EMCN: variants seen among roughly 807,000 people sequenced by gnomAD.
EMCN encodes endomucin, also known as MUC-14.
A neutral mutation model predicts 38.4 loss-of-function variants in EMCN; 37 were observed. The observed-to-expected ratio is 0.96, with a 90% CI of 0.74 to 1.27. EMCN has a LOEUF of 1.27. EMCN is among the 50% of genes most tolerant of loss of function. The pLI is 0.00. For missense variants in EMCN, 318 were observed against 302.8 expected, an observed-to-expected ratio of 1.05 and a Z score of -0.37; for synonymous variants, 95 against 100.8, an observed-to-expected ratio of 0.94 and a Z score of 0.35.
intron 1 of EMCN, among the ~76,000 whole-genome samples, chr4:100,495,730 A>C (rs1414161507): frequency 6.6e-6 from 1 of 152,120 alleles, no homozygotes; most frequent in Non-Finnish European, 1.5e-5. Context: ...TACATAAAAC[A>C]TATAAGACTA....
At chr4:100,438,061 A>G (rs1024826969) in intron 5 of EMCN, among the ~76,000 whole-genome samples, 1 of 151,868 alleles carries the variant, frequency 6.6e-6, no homozygotes, top group African/African-American at 2.4e-5. Flanking sequence ...TGTCTCCTTC[A>G]AATTCTTTTA....
chr4:100,433,229 G>T (rs986489978), intron 5 of EMCN, among the ~76,000 whole-genome samples: 3 of 152,080 alleles, frequency 2.0e-5, no homozygotes, highest in Non-Finnish European at 4.4e-5. Flanking sequence ...TTATTTCTGT[G>T]TCTAGCTTAT....
intron 3 of EMCN, among the ~76,000 whole-genome samples, chr4:100,472,753 G>C (rs768754533): frequency 2.9e-4 from 44 of 151,940 alleles, no homozygotes; most frequent in Non-Finnish European, 5.9e-4. Flanking sequence ...GTAATCAAGA[G>C]TATATGATTC....
rs577227425 is a variant in EMCN, at chr4:100,469,895, A to G, written c.260-4356T>C. ...GCTATTTGGGTTCTTTTTTGGTTCC[A>G]TATGAATTTTTAAATAGTTTTTTTC... is the stretch of plus-strand genomic sequence containing the variant. On this transcript the variant is annotated intron_variant, in intron 3 of 11. Transcript: ENST00000296420. Among the ~76,000 whole-genome samples, 71 of 152,092 alleles carry G rather than the reference A, an allele frequency of 4.7e-4. No homozygotes were observed. In the South Asian group the frequency reaches 0.014, roughly 31 times the overall value.
intron 1 of EMCN, chr4:100,483,343 C>T (rs930654264): frequency 6.6e-5 from 10 of 152,098 alleles, no homozygotes; most frequent in African/African-American, 2.4e-4. Flanking sequence ...AACCATCACA[C>T]ATCTGGCCAT....
intron 3 of EMCN, among the ~76,000 whole-genome samples, chr4:100,465,856 G>A (rs904311281): frequency 3.3e-5 from 5 of 151,876 alleles, no homozygotes; most frequent in African/African-American, 9.7e-5. Flanking sequence ...ATTTCCCCAC[G>A]GTCACATAAC....
intron 1 of EMCN, among the ~76,000 whole-genome samples, chr4:100,497,408 G>A (rs1351766995): frequency 1.2e-4 from 18 of 151,244 alleles, no homozygotes; most frequent in African/African-American, 4.1e-4. Flanking sequence ...ACGGAGTCTC[G>A]CCCTGTCGCC....
chr4:100,430,846 CAATT>C (rs1249641802), intron 5 of EMCN, among the ~76,000 whole-genome samples: 1 of 152,082 alleles, frequency 6.6e-6, no homozygotes, highest in East Asian at 1.9e-4. Flanking sequence ...CTTTTATTCT[CAATT>C]AATTTTCTAA....
intron 10 of EMCN, among the ~76,000 whole-genome samples, chr4:100,413,075 A>C (rs2110211266): frequency 6.6e-6 from 1 of 152,280 alleles, no homozygotes; most frequent in South Asian, 2.1e-4. Flanking sequence ...ACCATAGTAA[A>C]ATGTCCAGGG....
At chr4:100,409,200 C>T (rs1177791619) in intron 11 of EMCN, among the ~76,000 whole-genome samples, 1 of 151,486 alleles carries the variant, frequency 6.6e-6, no homozygotes, top group Non-Finnish European at 1.5e-5. Context: ...GTGGTCAGGC[C>T]AATTCTGGAC....
chr4:100,414,478 C>G (rs1249884900), intron 10 of EMCN, among the ~76,000 whole-genome samples: 1 of 148,010 alleles, frequency 6.8e-6, no homozygotes, highest in Non-Finnish European at 1.5e-5. Context: ...TCTATGGGTA[C>G]ACTTTGCTCC....
At chr4:100,421,472 T>C (rs1462548400) in intron 7 of EMCN, 95 bp from the exon 8 acceptor site, 1 of 867,912 alleles carries the variant, frequency 1.2e-6, no homozygotes. Context: ...CTTCCTTTCT[T>C]CTTTAAATAT....
At chr4:100,424,598 G>C (rs1429185399) in intron 5 of EMCN, among the ~76,000 whole-genome samples, 1 of 152,080 alleles carries the variant, frequency 6.6e-6, no homozygotes, top group Non-Finnish European at 1.5e-5. Flanking sequence ...AACGTTCAGA[G>C]TCTGTACCGT....
At chr4:100,412,340 T>C (rs1020273616) in intron 10 of EMCN, among the ~76,000 whole-genome samples, 2 of 152,174 alleles carry the variant, frequency 1.3e-5, no homozygotes, top group African/African-American at 2.4e-5. Context: ...GTCTTCCAAG[T>C]AGAGGAATAT....
chr4:100,482,152 C>A (rs1728825472), intron 1 of EMCN, among the ~76,000 whole-genome samples: 1 of 152,002 alleles, frequency 6.6e-6, no homozygotes, highest in Admixed American at 6.6e-5. Context: ...TTTCATACTG[C>A]AGGTTGTGAT....
At chr4:100,463,367 A>G (rs971235040) in intron 4 of EMCN, among the ~76,000 whole-genome samples, 1 of 152,066 alleles carries the variant, frequency 6.6e-6, no homozygotes, top group African/African-American at 2.4e-5. Flanking sequence ...TAAACTTCGC[A>G]CCTTCAATTC....
chr4:100,423,237 G>T (rs1286633267), intron 6 of EMCN, 75 bp downstream of exon 6: 1 of 1,371,434 alleles, frequency 7.3e-7, no homozygotes, highest in Non-Finnish European at 1.0e-6. Flanking sequence ...TGTTTTGTGA[G>T]TCAAGATTGT....
At chr4:100,445,003 G>A (rs937822382) in intron 5 of EMCN, among the ~76,000 whole-genome samples, 4 of 152,154 alleles carry the variant, frequency 2.6e-5, no homozygotes, top group African/African-American at 9.7e-5. Flanking sequence ...CCTGCAGAAA[G>A]GGGTCTCTTC....
In EMCN at chr4:100,484,435, A is replaced by G. The variant is rs75542855; in HGVS notation, c.65-4396T>C. Among the ~76,000 whole-genome samples the G allele has an allele frequency of 6.4e-3, 981 of 152,254 alleles. 11 individuals carry two copies. Among genetic ancestry groups the G allele is most frequent in the African/African-American group, 0.022 (932 of 41,556 alleles). On this transcript the variant is annotated intron_variant, in intron 1 of 11. Transcript: ENST00000296420. Reference sequence around the variant, plus strand: ...TAGTCACTAAAAGGTTTTTGTTTAAAGGGACAGGGTCTTGCTATTTTTCTC... The same window carrying G: ...TAGTCACTAAAAGGTTTTTGTTTAAGGGGACAGGGTCTTGCTATTTTTCTC...
Sources: gnomAD v4.1 joint callset for allele counts (sites outside exome capture counted in the v4.1 genomes callset) on GRCh38, gnomAD v4.1.1 for gene constraint, MANE v1.5 for transcripts, NCBI Gene and HGNC (gene_info 2026-07-23, HGNC 2026-07-21) for gene names.